Variants in LRRC61 observed in about 807,000 individuals in gnomAD.
LRRC61 encodes leucine-rich repeat-containing protein 61.
A neutral mutation model predicts 15.1 loss-of-function variants in LRRC61; 9 were observed. The ratio of observed to expected loss-of-function variants is 0.60; its 90% CI spans 0.36 to 1.04. The LOEUF (loss-of-function observed/expected upper bound fraction) is 1.04. LRRC61 is among the 50% of genes least tolerant of loss of function. The pLI, the probability that LRRC61 is intolerant of heterozygous loss-of-function variation, is 0.01. For synonymous variants in LRRC61, 173 were observed against 158.6 expected (o/e 1.09, Z -0.68); for missense variants, 344 against 335.6 (o/e 1.03, Z -0.20).
At chr7:150,310,967 C>T in the LRRC61 span, among the ~76,000 whole-genome samples, 8 of 152,290 alleles carry the variant, frequency 5.3e-5, no homozygotes, top group South Asian at 2.1e-4. Flanking sequence ...AACATACATG[C>T]GCTCTTCCTG....
chr7:150,319,600 T>C (rs1563216169), upstream of LRRC61, among the ~76,000 whole-genome samples: 1 of 152,224 alleles, frequency 6.6e-6, no homozygotes. Flanking sequence ...CAAATTCAGG[T>C]GCCTTTGACT....
chr7:150,338,110 C>G lies in LRRC61; in HGVS notation c.*469C>G, dbSNP rs1473780984. 3.4e-6 allele frequency: 2 copies of G among 586,302 alleles called. No individual in the cohort carries two copies. Among genetic ancestry groups the G allele is most frequent in the Admixed American group, 6.9e-5 (2 of 28,908 alleles). 36.3% of individuals were successfully genotyped at this position (586,302 alleles called of 1,614,324 possible). On this transcript the variant is annotated 3_prime_UTR_variant, in exon 3 of 3. Transcript: ENST00000359623. ...CCCCCTCCCCGCAGCACCTTCTCTG[C>G]CCGTTCTTGTCCACACATCTATTAA...
intron 2 of LRRC61, chr7:150,332,252 T>A (rs1798131115): frequency 6.0e-6 from 1 of 167,056 alleles, no homozygotes; most frequent in Non-Finnish European, 1.5e-5. Context: ...ACCAGTGGGA[T>A]TGGATGGGAG....
chr7:150,316,692 G>T, the LRRC61 span, among the ~76,000 whole-genome samples: 6 of 152,004 alleles, frequency 3.9e-5, no homozygotes, highest in African/African-American at 7.2e-5. Context: ...CACCATGTTG[G>T]CCAGGATGGT....
At position 150,323,481 on chromosome 7, in the gene LRRC61, C is replaced by G; in HGVS notation, c.-394C>G. ...CTGCGGCTCTTACCTGCCGAGGAGG[C>G]GCCGGCTCTGCGGTGCGGAGTTGCG... On this transcript the variant is annotated 5_prime_UTR_variant, in exon 1 of 3. Coordinates refer to ENST00000359623, the MANE Select transcript of LRRC61 (RefSeq NM_001142928.2). 2.4e-6 allele frequency: 1 copy of G among 411,778 alleles called. No individual in the cohort carries two copies. Among genetic ancestry groups the G allele is most frequent in the Non-Finnish European group, 4.8e-6 (1 of 209,530 alleles). 25.5% of individuals were successfully genotyped at this position (411,778 alleles called of 1,614,324 possible).
the LRRC61 span, among the ~76,000 whole-genome samples, chr7:150,314,234 C>A: frequency 6.6e-6 from 1 of 152,200 alleles, no homozygotes; most frequent in African/African-American, 2.4e-5. Flanking sequence ...TTTATGTGAC[C>A]AGTTTTGTAG....
chr7:150,334,161 C>T (rs1252183534), intron 2 of LRRC61: 1 of 975,634 alleles, frequency 1.0e-6, no homozygotes, highest in African/African-American at 1.8e-5. Context: ...GAGCCATCAT[C>T]TCCATCTAAA....
chr7:150,309,733 T>C, the LRRC61 span, among the ~76,000 whole-genome samples: 63 of 152,172 alleles, frequency 4.1e-4, no homozygotes, highest in African/African-American at 1.3e-3. Flanking sequence ...ACTGTCCAAC[T>C]AATATCACAG....
Position 150,337,197 on chromosome 7 carries a change from GGGCCAGC to G in LRRC61, c.337_343del (p.Gly113CysfsTer43), listed in dbSNP as rs767215437. ...CCGCAGGCAACCTACTGGCCACCCC[GGGCCAGC>G]TGCAGTGTCTGGCTGGGCTACCGTG... On this transcript the variant is annotated frameshift_variant, in exon 3 of 3. Transcript: ENST00000359623. LOFTEE classifies it high-confidence loss of function. 18 of 1,606,680 alleles carry G rather than the reference GGGCCAGC, an allele frequency of 1.1e-5. No homozygotes were observed. The highest frequency in any genetic ancestry group is 1.7e-5 in the Admixed American group (1 of 59,996).
chr7:150,310,792 A>G, the LRRC61 span, among the ~76,000 whole-genome samples: 6 of 152,098 alleles, frequency 3.9e-5, no homozygotes, highest in Non-Finnish European at 8.8e-5. Context: ...CTCCCAACTT[A>G]TTCAATATGT....
intron 1 of LRRC61, 40 bp downstream of exon 1, chr7:150,323,600 C>T (rs1055582247): frequency 4.4e-6 from 2 of 449,936 alleles, no homozygotes; most frequent in Non-Finnish European, 4.5e-6. Context: ...GGGAAGGGGG[C>T]GGCTGTCGGG....
chr7:150,332,827 G>A (rs11979365), intron 2 of LRRC61: 6,288 of 158,412 alleles, frequency 0.04, 268 homozygotes, highest in East Asian at 0.13. Context: ...GGACACATTC[G>A]CAGGTGATAG....
At chr7:150,332,477 T>A (rs1798141338) in intron 2 of LRRC61, 1 of 167,104 alleles carries the variant, frequency 6.0e-6, no homozygotes, top group African/African-American at 2.4e-5. Context: ...CCCTTGCCTC[T>A]CCTGGATGGG....
chr7:150,334,525 C>A (rs1161739248), intron 2 of LRRC61, among the ~76,000 whole-genome samples: 1 of 152,190 alleles, frequency 6.6e-6, no homozygotes, highest in Non-Finnish European at 1.5e-5. Context: ...AGCTCTGTAT[C>A]CCCAGCATGG....
rs911658147 is a variant in LRRC61 at position 150,326,020 on chromosome 7, A to G, written c.-145+10A>G. 6.6e-6 allele frequency: 1 copy of G among 152,424 alleles called. No individual in the cohort carries two copies. Among genetic ancestry groups the G allele is most frequent in the Non-Finnish European group, 1.5e-5 (1 of 68,020 alleles). 9.4% of individuals were successfully genotyped at this position (152,424 alleles called of 1,614,324 possible). A position where few individuals can be genotyped will look rare whatever the true frequency, so the allele number is the denominator to read the frequency against. ...GAAGCAATAGCCTAAGGTAAACAACACCTTGCAAGACGGGTCTAAGCTCTT... is the reference window on the plus strand; with the variant it reads ...GAAGCAATAGCCTAAGGTAAACAACGCCTTGCAAGACGGGTCTAAGCTCTT... On this transcript the variant is annotated intron_variant, in intron 2 of 2. Transcript: ENST00000359623.
At chr7:150,318,266 G>A (rs1286662133), upstream of LRRC61, among the ~76,000 whole-genome samples, 1 of 152,126 alleles carries the variant, frequency 6.6e-6, no homozygotes, top group African/African-American at 2.4e-5. Context: ...CAAAAGACAC[G>A]AGGGATTTCT....
At chr7:150,323,995 C>A (rs1179618623) in intron 1 of LRRC61, among the ~76,000 whole-genome samples, 2 of 152,312 alleles carry the variant, frequency 1.3e-5, no homozygotes, top group East Asian at 1.9e-4. Flanking sequence ...AGTATGAAAC[C>A]TAATGATGCA....
At chr7:150,317,091 T>C in the LRRC61 span, among the ~76,000 whole-genome samples, 1 of 151,936 alleles carries the variant, frequency 6.6e-6, no homozygotes, top group African/African-American at 2.4e-5. Flanking sequence ...ATTTATTGAG[T>C]TTCCTTCTGT....
the LRRC61 span, among the ~76,000 whole-genome samples, chr7:150,315,778 G>C: frequency 6.6e-6 from 1 of 151,050 alleles, no homozygotes; most frequent in Non-Finnish European, 1.5e-5. Context: ...ATACATGTGT[G>C]TATTCTCCCC....
Sources: gnomAD v4.1 joint callset for allele counts (sites outside exome capture counted in the v4.1 genomes callset) on GRCh38, gnomAD v4.1.1 for gene constraint, MANE v1.5 for transcripts, NCBI Gene and HGNC (gene_info 2026-07-23, HGNC 2026-07-21) for gene names.